The following BRINP3 variants were observed in gnomAD, a reference collection of about 807,000 sequenced individuals.
BRINP3 encodes BMP/retinoic acid inducible neural specific 3.
A neutral mutation model predicts 71.0 loss-of-function variants in BRINP3; 19 were observed. The observed-to-expected ratio is 0.27, with a 90% confidence interval of 0.19 to 0.39. BRINP3 has a LOEUF of 0.39. Ranked by LOEUF, BRINP3 falls within the 10% of genes least tolerant of loss-of-function variation. The pLI, the probability that BRINP3 is intolerant of heterozygous loss-of-function variation, is 1.00. For missense variants in BRINP3, 959 were observed against 940.8 expected, an observed-to-expected ratio of 1.02 and a Z score of -0.25; for synonymous variants, 380 against 337.7, an observed-to-expected ratio of 1.13 and a Z score of -1.37.
intron 2 of BRINP3, among the ~76,000 whole-genome samples, chr1:190,293,633 T>G (rs1178771352): frequency 6.6e-6 from 1 of 152,176 alleles, no homozygotes; most frequent in African/African-American, 2.4e-5. Flanking sequence ...AGTCCCCTAT[T>G]ATCATTGCAT....
chr1:190,130,849 A>G (rs2102350627), intron 7 of BRINP3, among the ~76,000 whole-genome samples: 1 of 152,042 alleles, frequency 6.6e-6, no homozygotes, highest in East Asian at 1.9e-4. Flanking sequence ...TTTACTGACC[A>G]GATGCTAATG....
chr1:190,282,449 A>G (rs1424069225), intron 2 of BRINP3, among the ~76,000 whole-genome samples: 2 of 151,970 alleles, frequency 1.3e-5, no homozygotes, highest in Non-Finnish European at 2.9e-5. Context: ...AATAAATTAG[A>G]AAAGAATTAT....
intron 2 of BRINP3, among the ~76,000 whole-genome samples, chr1:190,371,682 T>A (rs1003383646): frequency 6.6e-6 from 1 of 152,180 alleles, no homozygotes; most frequent in East Asian, 1.9e-4. Context: ...AATTTTAGGA[T>A]TAAGTTTTTC....
At chr1:190,112,866 A>G (rs1344725915) in intron 7 of BRINP3, among the ~76,000 whole-genome samples, 1 of 152,152 alleles carries the variant, frequency 6.6e-6, no homozygotes, top group East Asian at 1.9e-4. Context: ...AGAACCCAGG[A>G]TTAAATCAAA....
chr1:190,389,740 G>T (rs755419507), intron 2 of BRINP3, among the ~76,000 whole-genome samples: 2 of 151,710 alleles, frequency 1.3e-5, no homozygotes, highest in Non-Finnish European at 2.9e-5. Context: ...TATTACTATT[G>T]GAACGGAAAC....
rs149980995 is a variant in BRINP3 at position 190,377,217 on chromosome 1, A to C, written c.236+77438T>G. Reference sequence around the variant, plus strand: ...CATCCTACATCCACATATATCTCTAATCTGTCTGCTTATTTTTTCCATTTC... The same window carrying C: ...CATCCTACATCCACATATATCTCTACTCTGTCTGCTTATTTTTTCCATTTC... On this transcript the variant is annotated intron_variant, in intron 2 of 7. Coordinates refer to ENST00000367462, the MANE Select transcript of BRINP3 (RefSeq NM_199051.3). Among the ~76,000 whole-genome samples the C allele has an allele frequency of 3.3e-5, 5 of 152,086 alleles. No homozygotes were observed. The East Asian group carries it at 7.7e-4, about 23-fold the overall frequency.
At chr1:190,186,749 A>G (rs1415830367) in intron 6 of BRINP3, among the ~76,000 whole-genome samples, 1 of 152,168 alleles carries the variant, frequency 6.6e-6, no homozygotes, top group Non-Finnish European at 1.5e-5. Flanking sequence ...AACTCACATT[A>G]TGTTAGGAAT....
chr1:190,136,876 A>C (rs1655016954), intron 7 of BRINP3, among the ~76,000 whole-genome samples: 1 of 152,054 alleles, frequency 6.6e-6, no homozygotes. Flanking sequence ...ATATTTATTA[A>C]ACACTTGAAA....
chr1:190,328,053 A>G (rs1571760055), intron 2 of BRINP3, among the ~76,000 whole-genome samples: 2 of 152,258 alleles, frequency 1.3e-5, no homozygotes, highest in South Asian at 4.1e-4. Flanking sequence ...TTTTGGGTAA[A>G]CAATGAAATT....
chr1:190,282,259 T>A (rs916444723), intron 2 of BRINP3, among the ~76,000 whole-genome samples: 4 of 151,552 alleles, frequency 2.6e-5, no homozygotes, highest in Admixed American at 6.6e-5. Context: ...TTTTTTTTTT[T>A]AATAATCATG....
intron 1 of BRINP3, among the ~76,000 whole-genome samples, chr1:190,460,328 A>G (rs1375797433): frequency 6.6e-6 from 1 of 151,090 alleles, no homozygotes; most frequent in Non-Finnish European, 1.5e-5. Flanking sequence ...ATAATCATAT[A>G]TAACTATAAT....
rs534903332 is a variant in BRINP3 at position 190,324,578 on chromosome 1, T to C, written c.237-42828A>G. Among the ~76,000 whole-genome samples, 20 of 152,118 alleles carry C rather than the reference T, an allele frequency of 1.3e-4. No homozygotes were observed. The Middle Eastern group carries it at 0.01, about 78-fold the overall frequency. ...GATGACCAATATTGCTCTGGAAATA[T>C]TTGCTTAAGTTTGGTAAGTGTTCTT... On this transcript the variant is annotated intron_variant, in intron 2 of 7. Transcript: ENST00000367462.
At chr1:190,369,402 T>G (rs905721973) in intron 2 of BRINP3, among the ~76,000 whole-genome samples, 1 of 152,034 alleles carries the variant, frequency 6.6e-6, no homozygotes, top group Non-Finnish European at 1.5e-5. Context: ...ATTAATATAA[T>G]TAAGCTTTAA....
At chr1:190,471,482 C>T (rs1008730005) in intron 1 of BRINP3, among the ~76,000 whole-genome samples, 1 of 151,206 alleles carries the variant, frequency 6.6e-6, no homozygotes, top group African/African-American at 2.4e-5. Context: ...ATACAGAACA[C>T]ATAGTAGTGC....
At chr1:190,306,776 C>G (rs958868676) in intron 2 of BRINP3, among the ~76,000 whole-genome samples, 13 of 151,374 alleles carry the variant, frequency 8.6e-5, no homozygotes, top group Admixed American at 6.6e-4. Context: ...TTAAAGAGAC[C>G]AGGGAAAAGT....
chr1:190,466,787 A>G (rs553338987), intron 1 of BRINP3, among the ~76,000 whole-genome samples: 1 of 151,688 alleles, frequency 6.6e-6, no homozygotes, highest in South Asian at 2.1e-4. Flanking sequence ...AGAACTTGGC[A>G]TGTAGAAGGT....
chr1:190,445,004 A>G (rs1350243209), intron 2 of BRINP3, among the ~76,000 whole-genome samples: 1 of 152,170 alleles, frequency 6.6e-6, no homozygotes, highest in African/African-American at 2.4e-5. Flanking sequence ...CAAGTTCATG[A>G]ACAAATATTA....
At chr1:190,333,677 T>C (rs1290914459) in intron 2 of BRINP3, among the ~76,000 whole-genome samples, 2 of 151,952 alleles carry the variant, frequency 1.3e-5, no homozygotes, top group East Asian at 3.9e-4. Flanking sequence ...AAGTTGCATC[T>C]TGCAAATTAT....
intron 6 of BRINP3, among the ~76,000 whole-genome samples, chr1:190,217,924 T>A (rs1251626558): frequency 6.6e-6 from 1 of 152,042 alleles, no homozygotes; most frequent in East Asian, 1.9e-4. Context: ...AGATCAAATA[T>A]TTACCAATTT....
Sources: gnomAD v4.1 joint callset for allele counts (sites outside exome capture counted in the v4.1 genomes callset) on GRCh38, gnomAD v4.1.1 for gene constraint, MANE v1.5 for transcripts, NCBI Gene and HGNC (gene_info 2026-07-23, HGNC 2026-07-21) for gene names.